FSD1L: variants seen among roughly 807,000 people sequenced by gnomAD.
FSD1L encodes fibronectin type III and SPRY domain containing 1 like, also known as FSD1-like protein.
Under a neutral mutation model 71.6 loss-of-function variants are expected in FSD1L, and 45 were observed. The ratio of observed to expected loss-of-function variants is 0.63; its 90% CI spans 0.49 to 0.81. The LOEUF is 0.81. Ranked by LOEUF, FSD1L falls within the 30% of genes least tolerant of loss-of-function variation. The probability of loss-of-function intolerance (pLI) is 0.00; values close to 1 mark genes in which losing one functional copy is unlikely to be tolerated. For synonymous variants in FSD1L, 197 were observed against 207.2 expected (o/e 0.95, Z 0.42); for missense variants, 561 against 618.1 (o/e 0.91, Z 0.98).
chr9:105,499,450 A>G (rs764363933), intron 7 of FSD1L, among the ~76,000 whole-genome samples: 54 of 152,094 alleles, frequency 3.6e-4, no homozygotes, highest in Non-Finnish European at 6.2e-4. Flanking sequence ...TAGCATGTCT[A>G]TTGGCAACAG....
chr9:105,516,407 C>CT (rs1378938329), intron 10 of FSD1L, among the ~76,000 whole-genome samples: 6 of 152,150 alleles, frequency 3.9e-5, no homozygotes, highest in African/African-American at 1.4e-4. Flanking sequence ...AGACACCTCC[C>CT]AGTAGGTGCC....
intron 7 of FSD1L, chr9:105,500,515 G>C (rs939682732): frequency 6.6e-6 from 1 of 152,176 alleles, no homozygotes; most frequent in Non-Finnish European, 1.5e-5. Flanking sequence ...CTTAGTCTCT[G>C]TTAAAACCCC....
chr9:105,497,206 G>A (rs948346802), intron 7 of FSD1L, among the ~76,000 whole-genome samples: 7 of 152,086 alleles, frequency 4.6e-5, no homozygotes, highest in South Asian at 2.1e-4. Flanking sequence ...CTGCATACTT[G>A]GAATAAATAC....
intron 13 of FSD1L, among the ~76,000 whole-genome samples, chr9:105,545,353 A>G (rs553808549): frequency 6.8e-6 from 1 of 146,376 alleles, no homozygotes; most frequent in East Asian, 1.9e-4. Flanking sequence ...TAGATATACA[A>G]TCATGTCATC....
At chr9:105,466,394 T>C (rs1438872826) in intron 3 of FSD1L, among the ~76,000 whole-genome samples, 4 of 152,132 alleles carry the variant, frequency 2.6e-5, no homozygotes, top group Admixed American at 6.5e-5. Context: ...AAAATGTATA[T>C]AGAACTACAA....
chr9:105,497,183 AT>A (rs1833465307), intron 7 of FSD1L, among the ~76,000 whole-genome samples: 1 of 152,166 alleles, frequency 6.6e-6, no homozygotes, highest in Admixed American at 6.5e-5. Flanking sequence ...GATTTTTCAA[AT>A]GTCGAACCAG....
chr9:105,523,739 T>G, intron 10 of FSD1L: 2 of 1,596,244 alleles, frequency 1.3e-6, no homozygotes, highest in South Asian at 2.2e-5. Context: ...GACAAGATGT[T>G]TCTCCAAATA....
At chr9:105,543,567 A>T (rs1487471420) in intron 13 of FSD1L, among the ~76,000 whole-genome samples, 2 of 152,026 alleles carry the variant, frequency 1.3e-5, no homozygotes, top group African/African-American at 4.8e-5. Flanking sequence ...ATATCTCCTA[A>T]TGCTATCCCT....
chr9:105,458,374 TTTCTGCGCC>T (rs1830483620), intron 1 of FSD1L, among the ~76,000 whole-genome samples: 1 of 152,176 alleles, frequency 6.6e-6, no homozygotes, highest in Non-Finnish European at 1.5e-5. Context: ...GTTACAGCCC[TTTCTGCGCC>T]TGCCTTTTGG....
intron 7 of FSD1L, among the ~76,000 whole-genome samples, chr9:105,486,596 T>TA (rs1357936378): frequency 1.3e-5 from 2 of 152,158 alleles, no homozygotes; most frequent in Admixed American, 6.5e-5. Flanking sequence ...TGTCTCTACT[T>TA]ACCACCAGTA....
chr9:105,443,390 A>G (rs1209863250), upstream of FSD1L, among the ~76,000 whole-genome samples: 1 of 152,168 alleles, frequency 6.6e-6, no homozygotes, highest in East Asian at 1.9e-4. Context: ...CTTATTCACT[A>G]TCATGAGAAC....
intron 13 of FSD1L, among the ~76,000 whole-genome samples, chr9:105,541,591 G>T (rs1009996919): frequency 6.6e-6 from 1 of 151,886 alleles, no homozygotes; most frequent in Non-Finnish European, 1.5e-5. Context: ...TTCATTGAAG[G>T]CTTGCTTTTA....
intron 1 of FSD1L, among the ~76,000 whole-genome samples, chr9:105,452,661 G>GCCTTCCTT (rs1442328790): frequency 2.7e-3 from 253 of 95,186 alleles, no homozygotes; most frequent in Middle Eastern, 5.6e-3. Context: ...CTGCCTGCCT[G>GCCTTCCTT]CCTGCCTGCC....
Position 105,547,788 on chromosome 9 carries a change from T to C in FSD1L, c.*1305T>C, listed in dbSNP as rs1837091725. ...AATTAAAATTACAGTATTTAATAAT[T>C]CTTTGGGCATTTTTAAGAGGTCTGA... is the stretch of plus-strand genomic sequence containing the variant. On this transcript the variant is annotated 3_prime_UTR_variant, in exon 14 of 14. Transcript: ENST00000481272. 1 of 152,142 alleles carries C rather than the reference T, an allele frequency of 6.6e-6. No individual in the cohort carries two copies. The highest frequency in any genetic ancestry group is 2.1e-4 in the South Asian group (1 of 4,828). The allele number at this position is 152,142 out of a possible 1,614,324, so 9.4% of individuals were successfully genotyped here. A position where few individuals can be genotyped will look rare whatever the true frequency, so the allele number is the denominator to read the frequency against.
chr9:105,547,606 T>C lies in FSD1L; in HGVS notation c.*1123T>C, dbSNP rs1276887804. Reference sequence around the variant, plus strand: ...GAGGTTTGTTTTCTCTCAGTCCTTTTGCTACATTCACTTTCTTTTCAAAGA... The same window carrying C: ...GAGGTTTGTTTTCTCTCAGTCCTTTCGCTACATTCACTTTCTTTTCAAAGA... On this transcript the variant is annotated 3_prime_UTR_variant, in exon 14 of 14. Transcript: ENST00000481272. 2 of 152,114 alleles carry C rather than the reference T, an allele frequency of 1.3e-5. No individual in the cohort carries two copies. Among genetic ancestry groups the C allele is most frequent in the Non-Finnish European group, 2.9e-5 (2 of 67,962 alleles). 9.4% of individuals were successfully genotyped at this position (152,114 alleles called of 1,614,324 possible). A position where few individuals can be genotyped will look rare whatever the true frequency, so the allele number is the denominator to read the frequency against.
chr9:105,528,523 G>A (rs1353361076), intron 10 of FSD1L, among the ~76,000 whole-genome samples: 1 of 152,154 alleles, frequency 6.6e-6, no homozygotes, highest in African/African-American at 2.4e-5. Flanking sequence ...ACACAAACAA[G>A]CAATGGGGAA....
chr9:105,496,071 C>G (rs72744263), intron 7 of FSD1L, among the ~76,000 whole-genome samples: 18,641 of 151,076 alleles, frequency 0.12, 1,536 homozygotes, highest in East Asian at 0.46. Context: ...TTGACGATGT[C>G]TTTTACAGAG....
chr9:105,537,927 A>T (rs2131505934), intron 12 of FSD1L, among the ~76,000 whole-genome samples: 1 of 152,322 alleles, frequency 6.6e-6, no homozygotes, highest in East Asian at 1.9e-4. Context: ...GTAGAAGTAG[A>T]ATTCATAGGA....
chr9:105,464,159 G>A, intron 2 of FSD1L, 77 bp from the exon 3 acceptor site: 1 of 749,818 alleles, frequency 1.3e-6, no homozygotes, highest in South Asian at 1.7e-5. Context: ...CATAAAGTTT[G>A]TTTAGAGAAT....
Sources: gnomAD v4.1 joint callset for allele counts (sites outside exome capture counted in the v4.1 genomes callset) on GRCh38, gnomAD v4.1.1 for gene constraint, MANE v1.5 for transcripts, NCBI Gene and HGNC (gene_info 2026-07-23, HGNC 2026-07-21) for gene names.